The following PTPRN2 variants were observed in gnomAD, a reference collection of about 807,000 sequenced individuals.
PTPRN2 encodes the protein receptor-type tyrosine-protein phosphatase N2.
In PTPRN2, 74 loss-of-function variants were observed where a neutral mutation model predicts 118.8. The observed-to-expected ratio is 0.62, with a 90% CI of 0.52 to 0.76. The LOEUF (loss-of-function observed/expected upper bound fraction) is 0.76, where lower values mean the gene tolerates loss of function less well. Ranked by LOEUF, PTPRN2 falls within the 30% of genes least tolerant of loss-of-function variation. The pLI, the probability that PTPRN2 is intolerant of heterozygous loss-of-function variation, is 0.00. For missense variants in PTPRN2, 1,481 were observed against 1,394.4 expected (o/e 1.06, Z -0.99); for synonymous variants, 641 against 608.0 (o/e 1.05, Z -0.80).
At position 157,971,161 on chromosome 7, in the gene PTPRN2, CCT is replaced by C. The variant is rs139997626; in HGVS notation, c.1724-72426_1724-72425del. Among the ~76,000 whole-genome samples the C allele has an allele frequency of 3.9e-4, 59 of 152,294 alleles. 2 individuals are homozygous for C. The East Asian group carries it at 0.011, about 27-fold the overall frequency. On this transcript the variant is annotated intron_variant, in intron 11 of 22. Coordinates refer to ENST00000389418, the MANE Select transcript of PTPRN2 (RefSeq NM_002847.5). ...GATTCTGTTCATCTTTGTTCTTACC[CCT>C]GAGTATCCAACTCAGAGCTTTGTAC...
chr7:158,312,034 GACAC>G (rs561264154), intron 3 of PTPRN2, among the ~76,000 whole-genome samples: 7 of 140,944 alleles, frequency 5.0e-5, no homozygotes, highest in African/African-American at 1.3e-4. Flanking sequence ...CACGTGTAGA[GACAC>G]ACACATGCAC....
At position 158,300,793 on chromosome 7, in the gene PTPRN2, G is replaced by A. The variant is rs76983241; in HGVS notation, c.277+16026C>T. ...TGGCCGTGTGGAGGGAGGGGAGGTGGGCAGCCCACAGTCCTTCTCATGTGT... is the reference window on the plus strand; with the variant it reads ...TGGCCGTGTGGAGGGAGGGGAGGTGAGCAGCCCACAGTCCTTCTCATGTGT... On this transcript the variant is annotated intron_variant, in intron 3 of 22. Coordinates refer to ENST00000389418, the MANE Select transcript of PTPRN2 (RefSeq NM_002847.5). 9.2e-3 allele frequency among the ~76,000 whole-genome samples: 1,402 copies of A among 152,122 alleles called. 23 individuals carry two copies. Among genetic ancestry groups the A allele is most frequent in the African/African-American group, 0.032 (1,330 of 41,500 alleles).
At chr7:157,595,377 A>G in intron 16 of PTPRN2, 62 bp from the exon 17 acceptor site, 1 of 1,501,278 alleles carries the variant, frequency 6.7e-7, no homozygotes, top group Non-Finnish European at 9.3e-7. Context: ...GGAGGTTAGG[A>G]AGCCTGGAGG....
At chr7:158,106,015 C>A (rs1310810519) in intron 10 of PTPRN2, among the ~76,000 whole-genome samples, 2 of 151,832 alleles carry the variant, frequency 1.3e-5, no homozygotes, top group African/African-American at 4.8e-5. Context: ...ATTCCATCCC[C>A]ATCTCTCTTC....
At chr7:158,009,013 A>G (rs1380026079) in intron 11 of PTPRN2, among the ~76,000 whole-genome samples, 2 of 152,012 alleles carry the variant, frequency 1.3e-5, no homozygotes, top group Non-Finnish European at 2.9e-5. Flanking sequence ...CACTCCCTGC[A>G]CTTCCCCGAG....
At chr7:157,559,495 G>A (rs1001500743) in intron 21 of PTPRN2, among the ~76,000 whole-genome samples, 31 of 152,278 alleles carry the variant, frequency 2.0e-4, no homozygotes, top group African/African-American at 7.2e-4. Context: ...AGGAGATGGA[G>A]GGGGGACCAC....
intron 2 of PTPRN2, among the ~76,000 whole-genome samples, chr7:158,410,963 C>A (rs184300883): frequency 5.9e-5 from 9 of 152,408 alleles, no homozygotes; most frequent in Non-Finnish European, 8.8e-5. Context: ...TACACAAGCA[C>A]CCAGGTGACC....
At chr7:158,144,904 G>C (rs544609161) in intron 6 of PTPRN2, among the ~76,000 whole-genome samples, 3 of 152,320 alleles carry the variant, frequency 2.0e-5, no homozygotes, top group African/African-American at 7.2e-5. Flanking sequence ...CTCTGAAGGA[G>C]GAACTGAACA....
At chr7:158,449,622 CAT>C (rs1817966398) in intron 2 of PTPRN2, among the ~76,000 whole-genome samples, 1 of 152,222 alleles carries the variant, frequency 6.6e-6, no homozygotes, top group African/African-American at 2.4e-5. Context: ...AGGCTTAATT[CAT>C]AGTCAGGAAC....
At chr7:158,253,102 C>T (rs1031452682) in intron 3 of PTPRN2, among the ~76,000 whole-genome samples, 2 of 152,226 alleles carry the variant, frequency 1.3e-5, no homozygotes, top group Non-Finnish European at 2.9e-5. Context: ...TAGCCAAGTG[C>T]TTTAAATATG....
intron 11 of PTPRN2, among the ~76,000 whole-genome samples, chr7:157,934,496 T>G (rs1289153564): frequency 6.6e-6 from 1 of 152,194 alleles, no homozygotes; most frequent in East Asian, 1.9e-4. Context: ...CTCGATAGCA[T>G]TTGCACATTT....
chr7:158,295,816 C>T lies in PTPRN2; in HGVS notation c.277+21003G>A, dbSNP rs906961716. 7.7e-5 allele frequency among the ~76,000 whole-genome samples: 11 copies of T among 143,248 alleles called. 1 individual carries two copies. The highest frequency in any genetic ancestry group is 4.4e-4 in the East Asian group (2 of 4,568). 94.0% of individuals were successfully genotyped at this position (143,248 alleles called of 152,430 possible). ...CCTTTCTGAGGGTCCAAGCCCACGG[C>T]GCCCGCTGACCCTGCCTGTCTGCCC... is the stretch of plus-strand genomic sequence containing the variant. On this transcript the variant is annotated intron_variant, in intron 3 of 22. Transcript: ENST00000389418.
rs1187193226 is a variant in PTPRN2 at position 157,953,725 on chromosome 7, C to G, written c.1724-54988G>C. Among the ~76,000 whole-genome samples, 1 of 152,106 alleles carries G rather than the reference C, an allele frequency of 6.6e-6. No individual in the cohort carries two copies. The stretch of plus-strand genomic sequence containing the variant: ...GACAGGAGGGCCAAGTCTGAGGACT[C>G]AGACCCGGGGCAGCTGGTGGAAGCT... On this transcript the variant is annotated intron_variant, in intron 11 of 22. Coordinates refer to ENST00000389418, the MANE Select transcript of PTPRN2 (RefSeq NM_002847.5). The surrounding 1 kb of genome is among the most constrained non-coding windows in gnomAD (Gnocchi z 4.6).
At chr7:158,451,758 C>G (rs1818110235) in intron 2 of PTPRN2, among the ~76,000 whole-genome samples, 1 of 152,178 alleles carries the variant, frequency 6.6e-6, no homozygotes, top group African/African-American at 2.4e-5. Flanking sequence ...CATCACATAA[C>G]TTCCCAGGAG....
intron 2 of PTPRN2, among the ~76,000 whole-genome samples, chr7:158,410,940 C>CA (rs1814021795): frequency 1.3e-5 from 2 of 149,992 alleles, no homozygotes; most frequent in Admixed American, 6.7e-5. Context: ...TGGGAGGCCC[C>CA]GGAGGGACAG....
chr7:158,523,685 GTCTGCCCTGGAGTGGAGTCGTCT>G lies in PTPRN2; in HGVS notation c.113-33923_113-33901del, dbSNP rs1824470762. On this transcript the variant is annotated intron_variant, in intron 1 of 22. Transcript: ENST00000389418. ...GAGTCGTCTGCCCTGGAGCGGAGTC[GTCTGCCCTGGAGTGGAGTCGTCT>G]GCCCTGGAGTGGAGTCTGCCCTGGA... 3.7e-5 allele frequency among the ~76,000 whole-genome samples: 5 copies of G among 134,606 alleles called. No individual in the cohort carries two copies. In the Admixed American group the frequency reaches 3.8e-4, roughly 10 times the overall value. 88.3% of individuals were successfully genotyped at this position (134,606 alleles called of 152,430 possible).
At chr7:157,840,773 G>A (rs1030740726) in intron 12 of PTPRN2, among the ~76,000 whole-genome samples, 1 of 152,248 alleles carries the variant, frequency 6.6e-6, no homozygotes, top group East Asian at 1.9e-4. Flanking sequence ...TCAGCAGTCA[G>A]GGGGACAGGT....
intron 11 of PTPRN2, among the ~76,000 whole-genome samples, chr7:158,060,345 C>A (rs1186488928): frequency 1.3e-5 from 2 of 150,706 alleles, no homozygotes; most frequent in East Asian, 3.9e-4. Flanking sequence ...GGTAGAAACT[C>A]CCCCATCTCC....
At chr7:158,253,656 G>A (rs1353761360) in intron 3 of PTPRN2, among the ~76,000 whole-genome samples, 3 of 152,160 alleles carry the variant, frequency 2.0e-5, no homozygotes, top group South Asian at 2.1e-4. Flanking sequence ...TGCAGAATGC[G>A]GCACACAGGC....
Sources: allele counts gnomAD v4.1 joint callset (sites outside exome capture counted in the v4.1 genomes callset), GRCh38; gene constraint gnomAD v4.1.1; non-coding constraint Gnocchi (gnomAD v3.1); transcripts MANE v1.5; gene names NCBI Gene and HGNC (gene_info 2026-07-23, HGNC 2026-07-21).